RAPGEF6: variants seen among roughly 807,000 people sequenced by gnomAD.
RAPGEF6 encodes Rap guanine nucleotide exchange factor 6, also known as PDZ domain containing guanine nucleotide exchange factor (GEF) 2.
RAPGEF6 carries 56 observed loss-of-function variants against 171.4 expected under a neutral mutation model. The observed-to-expected ratio is 0.33, with a 90% CI of 0.26 to 0.41. The LOEUF (loss-of-function observed/expected upper bound fraction) is 0.41, where lower values mean the gene tolerates loss of function less well. RAPGEF6 is among the 10% of genes least tolerant of loss of function. RAPGEF6 has a pLI of 1.00. For synonymous variants in RAPGEF6, 692 were observed against 650.1 expected, an observed-to-expected ratio of 1.06 and a Z score of -0.98; for missense variants, 1,674 against 1,921.4, an observed-to-expected ratio of 0.87 and a Z score of 2.41.
intron 5 of RAPGEF6, among the ~76,000 whole-genome samples, chr5:131,552,772 A>G (rs1304496244): frequency 6.6e-6 from 1 of 152,078 alleles, no homozygotes; most frequent in Non-Finnish European, 1.5e-5. Context: ...ACAAAAATGC[A>G]ACTTTAACAT....
chr5:131,460,989 TTTAAAA>T (rs1753889932), intron 19 of RAPGEF6, among the ~76,000 whole-genome samples: 1 of 152,202 alleles, frequency 6.6e-6, no homozygotes, highest in Non-Finnish European at 1.5e-5. Flanking sequence ...TCCTCTCCCT[TTTAAAA>T]TTAAACTTGT....
intron 7 of RAPGEF6, among the ~76,000 whole-genome samples, chr5:131,516,584 G>A (rs1036413970): frequency 1.1e-4 from 16 of 152,148 alleles, no homozygotes; most frequent in African/African-American, 3.4e-4. Context: ...TGTGTGTCTG[G>A]AGTTGTTTAA....
At chr5:131,500,295 T>G (rs997730968) in intron 11 of RAPGEF6, among the ~76,000 whole-genome samples, 1 of 152,206 alleles carries the variant, frequency 6.6e-6, no homozygotes, top group Non-Finnish European at 1.5e-5. Context: ...GTCATTCCTA[T>G]TCTCCTATCC....
At position 131,569,779 on chromosome 5, in the gene RAPGEF6, G is replaced by A. The variant is rs567032547; in HGVS notation, c.282-7732C>T. Among the ~76,000 whole-genome samples the A allele has an allele frequency of 3.9e-4, 59 of 152,160 alleles. No homozygotes were observed. In the South Asian group the frequency reaches 0.012, roughly 31 times the overall value. On this transcript the variant is annotated intron_variant, in intron 4 of 27. Coordinates refer to ENST00000509018, the MANE Select transcript of RAPGEF6 (RefSeq NM_016340.6). ...AGACTGGCTGGGCACGGTGGCACAC[G>A]CCTGTAATCCCAGCACTTTGGGAGG...
At chr5:131,472,098 G>C (rs1754782505) in intron 17 of RAPGEF6, 2 of 148,574 alleles carry the variant, frequency 1.3e-5, no homozygotes, top group African/African-American at 5.2e-5. Context: ...TTGAGACGGA[G>C]TCTTGCTCTG....
At chr5:131,452,028 C>G (rs191259202) in intron 21 of RAPGEF6, among the ~76,000 whole-genome samples, 42 of 152,090 alleles carry the variant, frequency 2.8e-4, no homozygotes, top group African/African-American at 1.0e-3. Flanking sequence ...GTCAGGAGAT[C>G]GAGACCACGG....
At chr5:131,435,912 G>A (rs1479502766) in intron 24 of RAPGEF6, 2 of 1,491,856 alleles carry the variant, frequency 1.3e-6, no homozygotes, top group Non-Finnish European at 1.8e-6. Flanking sequence ...ATTAATAACT[G>A]AAAACAAACT....
chr5:131,592,521 A>G, intron 3 of RAPGEF6, 55 bp from the exon 4 acceptor site: 1 of 1,566,868 alleles, frequency 6.4e-7, no homozygotes, highest in South Asian at 1.2e-5. Flanking sequence ...GTTCATATGT[A>G]TATGAATTCA....
intron 16 of RAPGEF6, among the ~76,000 whole-genome samples, chr5:131,477,424 A>G (rs529125390): frequency 2.8e-4 from 42 of 152,368 alleles, no homozygotes; most frequent in African/African-American, 1.0e-3. Flanking sequence ...GCACAAAGCA[A>G]GAGACCCAAT....
intron 1 of RAPGEF6, among the ~76,000 whole-genome samples, chr5:131,627,375 TAGC>T (rs1462269950): frequency 6.6e-6 from 1 of 152,228 alleles, no homozygotes; most frequent in Non-Finnish European, 1.5e-5. Flanking sequence ...AACAAAAAGT[TAGC>T]AGTTCCAATG....
intron 24 of RAPGEF6, among the ~76,000 whole-genome samples, chr5:131,434,042 A>T (rs564465523): frequency 3.9e-4 from 59 of 152,352 alleles, no homozygotes; most frequent in African/African-American, 1.4e-3. Context: ...TTTTAACCCA[A>T]CGCTCCTTCC....
intron 24 of RAPGEF6, among the ~76,000 whole-genome samples, chr5:131,436,613 ATAAAAAT>A (rs1554069902): frequency 1.0e-5 from 1 of 96,396 alleles, no homozygotes; most frequent in African/African-American, 3.2e-5. Flanking sequence ...CAAGCTGGTG[ATAAAAAT>A]AAAAACAAAA....
At chr5:131,571,439 C>T (rs889753972) in intron 4 of RAPGEF6, among the ~76,000 whole-genome samples, 2 of 151,982 alleles carry the variant, frequency 1.3e-5, no homozygotes, top group African/African-American at 2.4e-5. Flanking sequence ...AGATCACTTA[C>T]GTACAAAAAT....
chr5:131,573,093 T>C (rs1373904698), intron 4 of RAPGEF6, among the ~76,000 whole-genome samples: 1 of 152,150 alleles, frequency 6.6e-6, no homozygotes, highest in African/African-American at 2.4e-5. Context: ...CAGAGTCCTC[T>C]GAATCCTCCT....
intron 8 of RAPGEF6, among the ~76,000 whole-genome samples, chr5:131,509,829 C>A (rs1321883526): frequency 3.3e-5 from 5 of 152,176 alleles, no homozygotes; most frequent in Non-Finnish European, 7.3e-5. Context: ...TATACTGTAT[C>A]AGAGTTACCT....
intron 11 of RAPGEF6, 29 bp downstream of exon 11, chr5:131,504,597 T>G (rs367981190): frequency 8.5e-6 from 13 of 1,538,450 alleles, no homozygotes; most frequent in African/African-American, 2.8e-5. Context: ...ATAAAATCAG[T>G]GACTAGAAAA....
intron 8 of RAPGEF6, 99 bp downstream of exon 8, chr5:131,510,215 A>T: frequency 8.0e-7 from 1 of 1,243,610 alleles, no homozygotes; most frequent in Non-Finnish European, 1.1e-6. Flanking sequence ...GCTTAACACA[A>T]CACACATTTA....
rs187139346 is a variant in RAPGEF6 at position 131,435,984 on chromosome 5, C to T, written c.3746-2326G>A. On this transcript the variant is annotated intron_variant, in intron 24 of 27. Transcript: ENST00000509018. ...TCTTCCTCCTTTTAGACTTGAATCG[C>T]GTATAGAAGCAGTTTAAAGTGTTAC... The T allele has an allele frequency of 1.1e-3, 1,655 of 1,535,720 alleles. 3 individuals are homozygous for T. The highest frequency in any genetic ancestry group is 5.8e-3 in the African/African-American group (425 of 73,068).
chr5:131,461,994 G>A lies in RAPGEF6; in HGVS notation c.2575C>T (p.Leu859Phe). 6.2e-7 allele frequency: 1 copy of A among 1,614,100 alleles called. No homozygotes were observed. The highest frequency in any genetic ancestry group is 1.1e-5 in the South Asian group (1 of 91,072). The change falls in exon 19 of 28, where the codon CTC (leucine) becomes TTC (phenylalanine). Residue 859 changes from leucine to phenylalanine, a missense_variant. Leu to Phe is a conservative substitution (Grantham distance 22). Around this residue, in one of 3 missense-constraint regions of RAPGEF6, gnomAD observed 1,116 missense variants for 1,321.5 expected, o/e 0.84. Transcript: ENST00000509018. ...TGGGTGGCCACCTCAATGGTACTGA[G>A]CTGCAGCATGGATAGCTGGCTTTCC... ...VKESQLSMLQ[L>F]STIEVATQLS...
Sources: allele counts gnomAD v4.1 joint callset (sites outside exome capture counted in the v4.1 genomes callset), GRCh38; gene constraint gnomAD v4.1.1; regional missense constraint gnomAD v4.1.1; transcripts MANE v1.5; gene names NCBI Gene and HGNC (gene_info 2026-07-23, HGNC 2026-07-21).